The following GPC6 variants were observed in gnomAD, a reference collection of about 807,000 sequenced individuals.
GPC6 encodes glypican 6, also known as glypican-6.
A neutral mutation model predicts 55.2 loss-of-function variants in GPC6; 14 were observed. The ratio of observed to expected loss-of-function variants is 0.25; its 90% CI spans 0.17 to 0.40. GPC6 has a LOEUF of 0.40. Ranked by LOEUF, GPC6 falls within the 10% of genes least tolerant of loss-of-function variation. GPC6 has a pLI of 1.00. For missense variants in GPC6, 641 were observed against 708.5 expected, an observed-to-expected ratio of 0.90 and a Z score of 1.08; for synonymous variants, 278 against 259.6, an observed-to-expected ratio of 1.07 and a Z score of -0.68.
At chr13:93,329,827 G>A (rs1297676292) in intron 1 of GPC6, among the ~76,000 whole-genome samples, 3 of 150,514 alleles carry the variant, frequency 2.0e-5, no homozygotes, top group Non-Finnish European at 4.4e-5. Flanking sequence ...CAAATAAATG[G>A]ATGAACAACA....
At chr13:93,286,555 G>C (rs1878133446) in intron 1 of GPC6, among the ~76,000 whole-genome samples, 1 of 152,184 alleles carries the variant, frequency 6.6e-6, no homozygotes, top group African/African-American at 2.4e-5. Context: ...GGATGTATCA[G>C]TCTGTGATTT....
chr13:93,478,699 G>A (rs1174477788), intron 1 of GPC6, among the ~76,000 whole-genome samples: 4 of 152,136 alleles, frequency 2.6e-5, no homozygotes, highest in African/African-American at 7.2e-5. Context: ...TGAGGGACAT[G>A]TTACTAGTAA....
chr13:93,886,664 G>A (rs1028758726), intron 3 of GPC6, among the ~76,000 whole-genome samples: 1 of 151,606 alleles, frequency 6.6e-6, no homozygotes, highest in Non-Finnish European at 1.5e-5. Flanking sequence ...TGTGACTTTC[G>A]GCCTCTTTTA....
At chr13:93,297,213 C>T (rs1566285616) in intron 1 of GPC6, among the ~76,000 whole-genome samples, 1 of 152,090 alleles carries the variant, frequency 6.6e-6, no homozygotes, top group Non-Finnish European at 1.5e-5. Context: ...TAAAATGTTT[C>T]TTCTAGGCCG....
chr13:93,781,780 T>C (rs2138908250), intron 2 of GPC6, among the ~76,000 whole-genome samples: 1 of 152,228 alleles, frequency 6.6e-6, no homozygotes, highest in Non-Finnish European at 1.5e-5. Flanking sequence ...ATAGGTAAAA[T>C]ACCTATTAGG....
At chr13:93,710,688 TCC>T (rs150119808) in intron 2 of GPC6, among the ~76,000 whole-genome samples, 1 of 141,236 alleles carries the variant, frequency 7.1e-6, no homozygotes, top group African/African-American at 2.7e-5. Context: ...TCATTTAAAG[TCC>T]CCCCCCCCAA....
rs1208989915 is a variant in GPC6, at chr13:93,972,949, T to TTC, written c.712-54765_712-54764dup. ...TCTGTCTCTCTCTCTCTCTCTGTCT[T>TTC]TCTCTCTCTCTCTCTCCCTCTCTGT... is the stretch of plus-strand genomic sequence containing the variant. On this transcript the variant is annotated intron_variant, in intron 3 of 8. Coordinates refer to ENST00000377047, the MANE Select transcript of GPC6 (RefSeq NM_005708.5). 9.2e-5 allele frequency among the ~76,000 whole-genome samples: 13 copies of TTC among 141,086 alleles called. No homozygotes were observed. The East Asian group carries it at 1.7e-3, about 18-fold the overall frequency. 92.6% of individuals were successfully genotyped at this position (141,086 alleles called of 152,430 possible).
At chr13:93,543,710 A>T (rs774067868) in intron 1 of GPC6, among the ~76,000 whole-genome samples, 1 of 151,958 alleles carries the variant, frequency 6.6e-6, no homozygotes, top group Admixed American at 6.6e-5. Context: ...CATTTTCTTT[A>T]ACTGTTTGTT....
intron 3 of GPC6, among the ~76,000 whole-genome samples, chr13:93,931,015 C>G (rs879856868): frequency 6.6e-6 from 1 of 151,962 alleles, no homozygotes; most frequent in Non-Finnish European, 1.5e-5. Context: ...AACCAGATCT[C>G]GCAAGCGCTC....
chr13:93,484,854 A>G (rs369692855), intron 1 of GPC6, among the ~76,000 whole-genome samples: 7 of 152,298 alleles, frequency 4.6e-5, no homozygotes, highest in Admixed American at 4.6e-4. Context: ...ATTTTAAAGC[A>G]CTCATCAATA....
chr13:93,963,212 G>A (rs1347784065), intron 3 of GPC6, among the ~76,000 whole-genome samples: 1 of 152,024 alleles, frequency 6.6e-6, no homozygotes, highest in Non-Finnish European at 1.5e-5. Context: ...GAACCATGGA[G>A]AAAAGTGCTT....
chr13:93,254,225 C>T (rs1876877502), intron 1 of GPC6, among the ~76,000 whole-genome samples: 2 of 152,108 alleles, frequency 1.3e-5, no homozygotes, highest in South Asian at 4.2e-4. Context: ...ACCGAAGAGG[C>T]TGAGAAGAGG....
chr13:93,841,925 T>C (rs918927952), intron 3 of GPC6, among the ~76,000 whole-genome samples: 12 of 152,170 alleles, frequency 7.9e-5, no homozygotes, highest in African/African-American at 2.9e-4. Context: ...TTTTAAACTT[T>C]CATAAATACA....
chr13:93,649,345 A>T (rs1376649530), intron 2 of GPC6, among the ~76,000 whole-genome samples: 1 of 152,108 alleles, frequency 6.6e-6, no homozygotes, highest in East Asian at 1.9e-4. Context: ...CCAGCTACTC[A>T]GGAGGCTGAA....
intron 1 of GPC6, among the ~76,000 whole-genome samples, chr13:93,321,925 C>G (rs1164392796): frequency 3.9e-5 from 6 of 152,142 alleles, no homozygotes; most frequent in African/African-American, 1.4e-4. Context: ...TTCTCAAACT[C>G]TCTGTCGTGA....
At chr13:94,010,341 G>A (rs975195444) in intron 3 of GPC6, among the ~76,000 whole-genome samples, 1 of 152,252 alleles carries the variant, frequency 6.6e-6, no homozygotes, top group Admixed American at 6.5e-5. Context: ...AGAAGGCCAA[G>A]GGTAATGAAA....
At chr13:93,946,405 T>C (rs1879012264) in intron 3 of GPC6, among the ~76,000 whole-genome samples, 1 of 152,208 alleles carries the variant, frequency 6.6e-6, no homozygotes, top group Admixed American at 6.5e-5. Flanking sequence ...GTGCTAAGAT[T>C]ACAGACATGA....
chr13:93,849,350 C>T (rs1034701927), intron 3 of GPC6, among the ~76,000 whole-genome samples: 1 of 151,990 alleles, frequency 6.6e-6, no homozygotes, highest in African/African-American at 2.4e-5. Flanking sequence ...CCTACTTTCT[C>T]ACAAAAGAGA....
intron 2 of GPC6, among the ~76,000 whole-genome samples, chr13:93,706,926 T>C (rs931415468): frequency 1.2e-4 from 18 of 151,800 alleles, no homozygotes; most frequent in African/African-American, 4.1e-4. Flanking sequence ...GTAGACAAGA[T>C]GAGAGGGAAT....
Sources: gnomAD v4.1 joint callset for allele counts (sites outside exome capture counted in the v4.1 genomes callset) on GRCh38, gnomAD v4.1.1 for gene constraint, MANE v1.5 for transcripts, NCBI Gene and HGNC (gene_info 2026-07-23, HGNC 2026-07-21) for gene names.